Variants in SPOCK1 observed in about 807,000 individuals in gnomAD.
SPOCK1 encodes SPARC (osteonectin), cwcv and kazal like domains proteoglycan 1.
SPOCK1 carries 23 observed loss-of-function variants against 55.3 expected under a neutral mutation model. The ratio of observed to expected loss-of-function variants is 0.42; its 90% CI spans 0.30 to 0.59. The LOEUF is 0.59. Among genes scored for constraint, SPOCK1 ranks in the 20% least tolerant of loss-of-function variants. SPOCK1 has a pLI of 0.22. For missense variants in SPOCK1, 499 were observed against 552.5 expected (o/e 0.90, Z 0.97); for synonymous variants, 226 against 221.0 (o/e 1.02, Z -0.20).
chr5:137,127,229 C>T (rs1313308283), intron 4 of SPOCK1, among the ~76,000 whole-genome samples: 1 of 152,230 alleles, frequency 6.6e-6, no homozygotes, highest in African/African-American at 2.4e-5. Flanking sequence ...ATCAGGGCTG[C>T]TCTACCCATC....
At chr5:137,384,808 A>G (rs1002008266) in intron 2 of SPOCK1, among the ~76,000 whole-genome samples, 2 of 152,054 alleles carry the variant, frequency 1.3e-5, no homozygotes, top group Non-Finnish European at 2.9e-5. Context: ...TTTAAGGACA[A>G]CTAATCATTG....
chr5:137,068,928 G>T (rs572050489), intron 5 of SPOCK1, among the ~76,000 whole-genome samples: 2 of 152,316 alleles, frequency 1.3e-5, no homozygotes, highest in East Asian at 3.9e-4. Context: ...AGGACCACAT[G>T]CATATCTGGT....
intron 3 of SPOCK1, among the ~76,000 whole-genome samples, chr5:137,259,701 A>AG (rs1225227998): frequency 3.3e-5 from 5 of 151,780 alleles, no homozygotes; most frequent in South Asian, 2.1e-4. Flanking sequence ...AAAAAAAAAA[A>AG]AAAGAAAACA....
intron 2 of SPOCK1, among the ~76,000 whole-genome samples, chr5:137,334,625 AAC>A (rs1475132061): frequency 1.3e-5 from 2 of 152,226 alleles, no homozygotes; most frequent in African/African-American, 2.4e-5. Context: ...CAATAGCTGT[AAC>A]ACAGTCTTCG....
intron 2 of SPOCK1, among the ~76,000 whole-genome samples, chr5:137,343,675 A>G (rs1750489430): frequency 6.6e-6 from 1 of 152,166 alleles, no homozygotes; most frequent in Non-Finnish European, 1.5e-5. Context: ...GTCAATCCCA[A>G]CCCTCTACTT....
chr5:137,358,074 G>A (rs1015591768), intron 2 of SPOCK1, among the ~76,000 whole-genome samples: 4 of 152,072 alleles, frequency 2.6e-5, no homozygotes, highest in Non-Finnish European at 5.9e-5. Context: ...TGCAAATCCT[G>A]AAGGTTTTTC....
At chr5:136,991,011 C>T (rs1271672776) in intron 7 of SPOCK1, among the ~76,000 whole-genome samples, 4 of 152,170 alleles carry the variant, frequency 2.6e-5, no homozygotes, top group Non-Finnish European at 5.9e-5. Context: ...CCGCTCACTC[C>T]TCTGGCCTTC....
chr5:137,443,469 A>G (rs1054824948), intron 2 of SPOCK1, among the ~76,000 whole-genome samples: 4 of 151,972 alleles, frequency 2.6e-5, no homozygotes, highest in African/African-American at 9.7e-5. Context: ...TAGCATCCAC[A>G]CTGATGGATC....
In SPOCK1 at chr5:137,083,216, C is replaced by T. The variant is rs77453095; in HGVS notation, c.475-15387G>A. ...AGATAATTAAGCTTATCAATTATCT[C>T]CTTTCCTTCACTGCCTTAAGAGGAT... is the stretch of plus-strand genomic sequence containing the variant. On this transcript the variant is annotated intron_variant, in intron 5 of 10. Transcript: ENST00000394945. 7.1e-3 allele frequency among the ~76,000 whole-genome samples: 1,083 copies of T among 152,256 alleles called. 16 individuals are homozygous for T. The highest frequency in any genetic ancestry group is 0.025 in the African/African-American group (1,033 of 41,540).
chr5:137,064,735 T>C (rs983776316), intron 6 of SPOCK1, among the ~76,000 whole-genome samples: 4 of 152,206 alleles, frequency 2.6e-5, no homozygotes, highest in African/African-American at 9.7e-5. Flanking sequence ...CCCTGTTGCC[T>C]GTCATAAATT....
At chr5:137,036,979 G>A (rs1051292651) in intron 6 of SPOCK1, among the ~76,000 whole-genome samples, 2 of 152,186 alleles carry the variant, frequency 1.3e-5, no homozygotes, top group Admixed American at 1.3e-4. Flanking sequence ...GAGAGAGAGA[G>A]AGTGGCTGCA....
At chr5:137,496,035 A>C (rs1167104299) in intron 2 of SPOCK1, among the ~76,000 whole-genome samples, 1 of 152,208 alleles carries the variant, frequency 6.6e-6, no homozygotes. Context: ...CTCCAAAAAC[A>C]AAAACAAAAA....
chr5:137,013,271 G>A lies in SPOCK1; in HGVS notation c.590-20671C>T, dbSNP rs189890268. Reference sequence around the variant, plus strand: ...TGGCCTAAGAACTTGAATGTATGTGGTATAAGACAAAAACACTCCGATGAG... The same window carrying A: ...TGGCCTAAGAACTTGAATGTATGTGATATAAGACAAAAACACTCCGATGAG... On this transcript the variant is annotated intron_variant, in intron 6 of 10. Transcript: ENST00000394945. Among the ~76,000 whole-genome samples, 9 of 152,212 alleles carry A rather than the reference G, an allele frequency of 5.9e-5. No individual in the cohort carries two copies. In the East Asian group the frequency reaches 1.3e-3, roughly 23 times the overall value.
chr5:137,066,457 A>G (rs375398821), intron 6 of SPOCK1, among the ~76,000 whole-genome samples: 22 of 152,284 alleles, frequency 1.4e-4, no homozygotes, highest in African/African-American at 5.1e-4. Context: ...GGCAATGTCT[A>G]GCCTCAGAAT....
chr5:137,205,012 T>C (rs1755494380), intron 3 of SPOCK1, among the ~76,000 whole-genome samples: 1 of 152,184 alleles, frequency 6.6e-6, no homozygotes, highest in Non-Finnish European at 1.5e-5. Flanking sequence ...GAAGTGATAA[T>C]CCCAATGACT....
rs186475794 is a variant in SPOCK1, at chr5:137,470,642, G to A, written c.186+27731C>T. On this transcript the variant is annotated intron_variant, in intron 2 of 10. Transcript: ENST00000394945. ...AGAGCCATGCACTCTGCGGCCCATG[G>A]AGACTGCCTTTGTACCAAGCCCACC... Among the ~76,000 whole-genome samples the A allele has an allele frequency of 2.0e-5, 3 of 152,306 alleles. No individual in the cohort carries two copies. The East Asian group carries it at 5.8e-4, about 29-fold the overall frequency.
chr5:137,284,872 C>A (rs941456695), intron 2 of SPOCK1, among the ~76,000 whole-genome samples: 1 of 152,120 alleles, frequency 6.6e-6, no homozygotes, highest in African/African-American at 2.4e-5. Flanking sequence ...AACAGCTGGT[C>A]CCAAACCAAC....
rs184545607 is a variant in SPOCK1, at chr5:137,346,230, G to A, written c.187-79175C>T. On this transcript the variant is annotated intron_variant, in intron 2 of 10. Coordinates refer to ENST00000394945, the MANE Select transcript of SPOCK1 (RefSeq NM_004598.4). ...AAAGAATGAGAAGCCCAGGAAGACC[G>A]GGAAGTTGCATTTCCTTGTGGGCCC... Among the ~76,000 whole-genome samples the A allele has an allele frequency of 9.7e-4, 147 of 152,270 alleles. 1 individual carries two copies. Among genetic ancestry groups the A allele is most frequent in the Middle Eastern group, 3.4e-3 (1 of 294 alleles).
At chr5:137,467,393 C>T (rs762606290) in intron 2 of SPOCK1, among the ~76,000 whole-genome samples, 4 of 152,216 alleles carry the variant, frequency 2.6e-5, no homozygotes, top group African/African-American at 4.8e-5. Context: ...GAGCTTCCAA[C>T]TCTTCCTTTC....
Sources: allele counts gnomAD v4.1 joint callset (sites outside exome capture counted in the v4.1 genomes callset), GRCh38; gene constraint gnomAD v4.1.1; transcripts MANE v1.5; gene names NCBI Gene and HGNC (gene_info 2026-07-23, HGNC 2026-07-21).